KCNK2: variants seen among roughly 807,000 people sequenced by gnomAD.
KCNK2 encodes the protein potassium two pore domain channel subfamily K member 2, also known as potassium channel subfamily K member 2.
A neutral mutation model predicts 40.5 loss-of-function variants in KCNK2; 21 were observed. The ratio of observed to expected loss-of-function variants is 0.52; its 90% CI spans 0.37 to 0.75. The LOEUF is 0.75. KCNK2 is among the 30% of genes least tolerant of loss of function. KCNK2 has a pLI of 0.00. For synonymous variants in KCNK2, 191 were observed against 202.2 expected (o/e 0.94, Z 0.47); for missense variants, 399 against 531.6 (o/e 0.75, Z 2.45).
intron 5 of KCNK2, among the ~76,000 whole-genome samples, chr1:215,191,888 G>T (rs555585989): frequency 6.6e-6 from 1 of 152,090 alleles, no homozygotes; most frequent in Non-Finnish European, 1.5e-5. Flanking sequence ...CTGCATCTCA[G>T]AAGTCTGTGG....
In KCNK2 at chr1:215,124,629, G is replaced by A. The variant is rs1661336765; in HGVS notation, c.358-4G>A. On this transcript the variant is annotated splice_region_variant and splice_polypyrimidine_tract_variant and intron_variant, in intron 2 of 6. Transcript: ENST00000444842. ...TACTGATAAATTTCTTTTTAAACTT[G>A]CAGCAAATAGTGGCAGCAATAAATG... 1 of 1,568,702 alleles carries A rather than the reference G, an allele frequency of 6.4e-7. No homozygotes were observed. Among genetic ancestry groups the A allele is most frequent in the African/African-American group, 1.4e-5 (1 of 73,968 alleles).
At chr1:215,029,858 C>T (rs1017860152) in intron 1 of KCNK2, among the ~76,000 whole-genome samples, 9 of 152,066 alleles carry the variant, frequency 5.9e-5, no homozygotes, top group Non-Finnish European at 8.8e-5. Context: ...TTGACAATAA[C>T]GAATAAAGCC....
upstream of KCNK2, among the ~76,000 whole-genome samples, chr1:215,077,836 C>T (rs910199181): frequency 6.6e-4 from 100 of 152,148 alleles, 7 homozygotes; most frequent in African/African-American, 2.4e-5. Flanking sequence ...CACTTCTTTA[C>T]ACCAGCCTTC....
At chr1:215,188,675 T>G (rs1664548281) in intron 5 of KCNK2, among the ~76,000 whole-genome samples, 1 of 152,094 alleles carries the variant, frequency 6.6e-6, no homozygotes, top group African/African-American at 2.4e-5. Flanking sequence ...TTTGCAACCA[T>G]GTCAAAGGCC....
intron 6 of KCNK2, among the ~76,000 whole-genome samples, chr1:215,200,350 A>C (rs765330568): frequency 2.6e-5 from 4 of 152,166 alleles, no homozygotes; most frequent in Non-Finnish European, 5.9e-5. Context: ...GGTGGCAATG[A>C]CTGTTTCAGG....
chr1:215,227,216 T>G (rs1666418763), intron 6 of KCNK2, among the ~76,000 whole-genome samples: 1 of 152,128 alleles, frequency 6.6e-6, no homozygotes, highest in African/African-American at 2.4e-5. Context: ...GACTAGTAAT[T>G]GTAGTAAGTT....
chr1:215,206,791 TC>T (rs1665330301), intron 6 of KCNK2, among the ~76,000 whole-genome samples: 1 of 152,166 alleles, frequency 6.6e-6, no homozygotes, highest in South Asian at 2.1e-4. Flanking sequence ...TGCATATTGA[TC>T]CCTCACTTTA....
intron 1 of KCNK2, among the ~76,000 whole-genome samples, chr1:215,066,086 A>T (rs181304690): frequency 1.6e-3 from 242 of 151,812 alleles, no homozygotes; most frequent in South Asian, 8.4e-3. Context: ...GGACACAGGG[A>T]GGGGAACATC....
intron 2 of KCNK2, 134 bp from the exon 3 acceptor site, chr1:215,124,499 A>G (rs1269174035): frequency 2.9e-6 from 2 of 691,966 alleles, no homozygotes; most frequent in African/African-American, 1.8e-5. Context: ...GCTATATTAT[A>G]CATTTTAAAT....
intron 3 of KCNK2, among the ~76,000 whole-genome samples, chr1:215,130,625 ATTG>A (rs907228926): frequency 2.6e-5 from 4 of 152,040 alleles, no homozygotes; most frequent in Non-Finnish European, 4.4e-5. Context: ...ATTGAATTGA[ATTG>A]TTGTTGTTAG....
At chr1:215,009,866 AGAAT>A (rs1656316932) in intron 1 of KCNK2, among the ~76,000 whole-genome samples, 2 of 152,188 alleles carry the variant, frequency 1.3e-5, no homozygotes, top group African/African-American at 4.8e-5. Flanking sequence ...ACACTTCAAG[AGAAT>A]GAAGTTATTC....
chr1:215,145,010 G>A (rs945327606), intron 3 of KCNK2, among the ~76,000 whole-genome samples: 5 of 152,124 alleles, frequency 3.3e-5, no homozygotes, highest in Admixed American at 6.6e-5. Flanking sequence ...CTATGGTTGC[G>A]TATTCTGCAA....
chr1:215,224,656 G>A (rs1013588670), intron 6 of KCNK2, among the ~76,000 whole-genome samples: 1 of 152,082 alleles, frequency 6.6e-6, no homozygotes, highest in Non-Finnish European at 1.5e-5. Flanking sequence ...TAGAGCTAGA[G>A]GGAGCCAAGG....
chr1:215,232,319 G>A (rs943233637), intron 6 of KCNK2, among the ~76,000 whole-genome samples: 7 of 152,072 alleles, frequency 4.6e-5, no homozygotes, highest in Non-Finnish European at 8.8e-5. Flanking sequence ...AAAATTCGAT[G>A]AGAAAAAAGC....
intron 1 of KCNK2, among the ~76,000 whole-genome samples, chr1:215,070,305 A>G (rs1318723288): frequency 6.6e-6 from 1 of 151,036 alleles, no homozygotes; most frequent in Admixed American, 6.6e-5. Flanking sequence ...AGTCCCAGCT[A>G]CTTGGGAGGC....
intron 6 of KCNK2, among the ~76,000 whole-genome samples, chr1:215,198,954 G>T (rs1664974392): frequency 6.6e-6 from 1 of 152,052 alleles, no homozygotes; most frequent in African/African-American, 2.4e-5. Flanking sequence ...AACCATACAG[G>T]TTTAAGTGTG....
intron 6 of KCNK2, among the ~76,000 whole-genome samples, chr1:215,218,678 A>T (rs1026134083): frequency 6.6e-6 from 1 of 152,190 alleles, no homozygotes; most frequent in African/African-American, 2.4e-5. Context: ...CCACCACGGT[A>T]GCATCCCTCC....
At chr1:215,025,861 T>C (rs1356324295) in intron 1 of KCNK2, among the ~76,000 whole-genome samples, 2 of 152,094 alleles carry the variant, frequency 1.3e-5, no homozygotes, top group African/African-American at 4.8e-5. Flanking sequence ...TTCTATGGAA[T>C]ATATACGAAG....
intron 2 of KCNK2, among the ~76,000 whole-genome samples, chr1:215,117,324 G>A (rs7513709): frequency 0.76 from 115,244 of 151,968 alleles, 44,072 homozygotes; most frequent in African/African-American, 0.78. Flanking sequence ...TGAATTTCCA[G>A]TAAGGATTCA....
Sources: gnomAD v4.1 joint callset for allele counts (sites outside exome capture counted in the v4.1 genomes callset) on GRCh38, gnomAD v4.1.1 for gene constraint, MANE v1.5 for transcripts, NCBI Gene and HGNC (gene_info 2026-07-23, HGNC 2026-07-21) for gene names.